The following NCOR1 variants were observed in gnomAD, a reference collection of about 807,000 sequenced individuals.
NCOR1 encodes protein phosphatase 1, regulatory subunit 109.
Under a neutral mutation model 288.1 loss-of-function variants are expected in NCOR1, and 63 were observed. The observed-to-expected ratio is 0.22, with a 90% confidence interval of 0.18 to 0.27. The LOEUF (loss-of-function observed/expected upper bound fraction) is 0.27. Ranked by LOEUF, NCOR1 falls within the 10% of genes least tolerant of loss-of-function variation. NCOR1 has a pLI of 1.00. For missense variants in NCOR1, 2,397 were observed against 3,019.2 expected, an observed-to-expected ratio of 0.79 and a Z score of 4.83; for synonymous variants, 1,007 against 1,065.9, an observed-to-expected ratio of 0.94 and a Z score of 1.08.
In NCOR1 at chr17:16,067,901, C is replaced by T. The variant is rs747397619; in HGVS notation, c.4734G>A (p.Leu1578=). ...LDPAMPFHRA[L]DPAAAAYLFQ... is the part of the protein sequence containing the mutation. ...ACTATATTTTGTGTTTACCAGGATCCAAAGCCCTGTGAAAAGGCATGGCTG... is the reference window on the plus strand; with the variant it reads ...ACTATATTTTGTGTTTACCAGGATCTAAAGCCCTGTGAAAAGGCATGGCTG... Residue 1578 remains leucine, a synonymous_variant, in exon 32 of 46, where the codon TTG becomes TTA. Transcript: ENST00000268712. 1.5e-5 allele frequency: 24 copies of T among 1,613,102 alleles called. No individual in the cohort carries two copies. Among genetic ancestry groups the T allele is most frequent in the Non-Finnish European group, 1.9e-5 (23 of 1,179,488 alleles).
At chr17:16,204,069 T>TA (rs746638776) in intron 1 of NCOR1, among the ~76,000 whole-genome samples, 20 of 152,126 alleles carry the variant, frequency 1.3e-4, no homozygotes, top group Non-Finnish European at 2.5e-4. Flanking sequence ...TATAAAATGA[T>TA]AGTAATTTAA....
chr17:16,074,809 TTTTA>T (rs1160513458), intron 27 of NCOR1, among the ~76,000 whole-genome samples: 2 of 152,174 alleles, frequency 1.3e-5, no homozygotes, highest in African/African-American at 4.8e-5. Context: ...ATTAAAATAG[TTTTA>T]TTAAGGAGTA....
At chr17:16,174,638 C>T (rs971331567) in intron 3 of NCOR1, among the ~76,000 whole-genome samples, 6 of 152,160 alleles carry the variant, frequency 3.9e-5, no homozygotes, top group Non-Finnish European at 8.8e-5. Flanking sequence ...AACAAATCTA[C>T]TCAGCCATAA....
chr17:16,056,306 A>ATTT (rs2059910312), intron 40 of NCOR1, among the ~76,000 whole-genome samples: 1 of 73,080 alleles, frequency 1.4e-5, no homozygotes, highest in African/African-American at 5.2e-5. Flanking sequence ...CATTCTTTTT[A>ATTT]TCTTTTTTTT....
At chr17:16,075,512 G>T (rs1160195427) in intron 27 of NCOR1, 22 bp downstream of exon 27, 1 of 1,608,912 alleles carries the variant, frequency 6.2e-7, no homozygotes, top group East Asian at 2.2e-5. Context: ...TACTGGCTTT[G>T]GTGCATACAT....
chr17:16,189,209 C>G (rs1568567647), intron 2 of NCOR1, among the ~76,000 whole-genome samples: 3 of 152,052 alleles, frequency 2.0e-5, no homozygotes, highest in Non-Finnish European at 4.4e-5. Context: ...ACCTGGCCAA[C>G]TTGGCGAAAC....
intron 18 of NCOR1, among the ~76,000 whole-genome samples, chr17:16,115,006 C>G (rs917239101): frequency 1.3e-5 from 2 of 152,148 alleles, no homozygotes; most frequent in Non-Finnish European, 2.9e-5. Context: ...TAGCAAACTT[C>G]TGCTTGAACA....
At chr17:16,133,392 T>C (rs2075947916) in intron 14 of NCOR1, among the ~76,000 whole-genome samples, 1 of 152,330 alleles carries the variant, frequency 6.6e-6, no homozygotes, top group Non-Finnish European at 1.5e-5. Flanking sequence ...AGCAGAACTT[T>C]AAAGAATCTT....
chr17:16,123,345 C>T (rs577050879), intron 15 of NCOR1, among the ~76,000 whole-genome samples: 20 of 152,252 alleles, frequency 1.3e-4, no homozygotes, highest in African/African-American at 4.8e-4. Flanking sequence ...ATTTTACCAT[C>T]TCTATTTCTA....
rs1326503885 is a variant in NCOR1, at chr17:16,067,853, A to G, written c.4741+41T>C. On this transcript the variant is annotated intron_variant, in intron 32 of 45. Transcript: ENST00000268712. ...AAAGCTGAAAAGTCATACTGGTGGCATATTTATTTGCCATAAATTATCACT... is the reference window on the plus strand; with the variant it reads ...AAAGCTGAAAAGTCATACTGGTGGCGTATTTATTTGCCATAAATTATCACT... The G allele has an allele frequency of 2.0e-6, 3 of 1,537,788 alleles. No individual in the cohort carries two copies. In the African/African-American group the frequency reaches 4.1e-5, roughly 21 times the overall value.
intron 6 of NCOR1, among the ~76,000 whole-genome samples, chr17:16,155,940 G>T (rs907866984): frequency 6.6e-6 from 1 of 152,076 alleles, no homozygotes; most frequent in Non-Finnish European, 1.5e-5. Context: ...CCTCCCCTCC[G>T]GGAGCTCCCT....
intron 2 of NCOR1, among the ~76,000 whole-genome samples, chr17:16,188,956 C>T (rs904238311): frequency 9.9e-5 from 15 of 151,542 alleles, no homozygotes; most frequent in African/African-American, 3.4e-4. Context: ...ACCTGGGAGG[C>T]GGAGTTTGCA....
rs750343094 is a variant in NCOR1, at chr17:16,121,176, G to A, written c.1728C>T (p.Asn576=). The A allele has an allele frequency of 9.3e-6, 15 of 1,614,028 alleles. No homozygotes were observed. The highest frequency in any genetic ancestry group is 1.2e-5 in the Non-Finnish European group (14 of 1,180,040). Residue 576 remains asparagine, a synonymous_variant, in exon 16 of 46, where the codon AAC becomes AAT. Transcript: ENST00000268712. ...QATPRGRKTA[N]SQGRRKGRIT... ...TCCGGCCCTTACGGCGGCCCTGACT[G>A]TTGGCAGTCTTTCGCCCCCGGGGTG...
intron 22 of NCOR1, among the ~76,000 whole-genome samples, chr17:16,087,624 C>G (rs766599522): frequency 6.6e-6 from 1 of 152,212 alleles, no homozygotes. Flanking sequence ...AATAAAATCA[C>G]AACAGGCAAA....
chr17:16,201,068 A>G (rs2090731578), intron 1 of NCOR1, among the ~76,000 whole-genome samples: 1 of 152,210 alleles, frequency 6.6e-6, no homozygotes, highest in Non-Finnish European at 1.5e-5. Flanking sequence ...GGGAAAAAAA[A>G]GCTACTGCTT....
chr17:16,156,728 A>C (rs963778535), intron 6 of NCOR1, among the ~76,000 whole-genome samples: 2 of 152,100 alleles, frequency 1.3e-5, no homozygotes, highest in African/African-American at 4.8e-5. Context: ...GTGCAAAAGG[A>C]GTTTTCAAGT....
intron 41 of NCOR1, among the ~76,000 whole-genome samples, chr17:16,047,602 T>C (rs373195310): frequency 1.3e-5 from 2 of 152,186 alleles, no homozygotes; most frequent in African/African-American, 4.8e-5. Context: ...AACTGCCTAT[T>C]TGTTACAATC....
chr17:16,118,571 T>C (rs745924363), intron 17 of NCOR1, among the ~76,000 whole-genome samples: 3 of 152,206 alleles, frequency 2.0e-5, no homozygotes, highest in Non-Finnish European at 4.4e-5. Flanking sequence ...TTAACACTTC[T>C]CTAATCAATA....
intron 3 of NCOR1, among the ~76,000 whole-genome samples, chr17:16,175,518 C>T (rs77471309): frequency 0.03 from 4,633 of 152,130 alleles, 121 homozygotes; most frequent in Non-Finnish European, 0.046. Context: ...CTTTATCATT[C>T]GAACTTTAAA....
Sources: gnomAD v4.1 joint callset for allele counts (sites outside exome capture counted in the v4.1 genomes callset) on GRCh38, gnomAD v4.1.1 for gene constraint, MANE v1.5 for transcripts, NCBI Gene and HGNC (gene_info 2026-07-23, HGNC 2026-07-21) for gene names.